Variants in MALRD1 observed in about 807,000 individuals in gnomAD.
The protein encoded by MALRD1 is MAM and LDL receptor class A domain containing 1.
In MALRD1, 247 loss-of-function variants were observed where a neutral mutation model predicts 242.1. That is an observed-to-expected ratio of 1.02 (90% CI 0.92 to 1.13). The LOEUF is 1.13. Ranked by LOEUF, MALRD1 falls within the 50% of genes most tolerant of loss-of-function variation. MALRD1 has a pLI of 0.00. For synonymous variants in MALRD1, 995 were observed against 866.6 expected, an observed-to-expected ratio of 1.15 and a Z score of -2.60; for missense variants, 2,989 against 2,533.1, an observed-to-expected ratio of 1.18 and a Z score of -3.86.
rs138064038 is a variant in MALRD1 at position 19,627,711 on chromosome 10, C to T, written c.6137+11788C>T. Among the ~76,000 whole-genome samples, 472 of 145,926 alleles carry T rather than the reference C, an allele frequency of 3.2e-3. 6 individuals carry two copies. The East Asian group carries it at 0.059, about 18-fold the overall frequency. On this transcript the variant is annotated intron_variant, in intron 36 of 39. Coordinates refer to ENST00000454679, the MANE Select transcript of MALRD1 (RefSeq NM_001142308.3). ...GGTGGGCAGAGGTTTCGCAGTGAGC[C>T]GATATTCCACCACTGCACTCCAGCC...
chr10:19,075,497 A>G (rs1835289201), intron 2 of MALRD1, among the ~76,000 whole-genome samples: 1 of 152,072 alleles, frequency 6.6e-6, no homozygotes, highest in South Asian at 2.1e-4. Flanking sequence ...GGAAATGAAG[A>G]AAGGGGATCA....
intron 10 of MALRD1, among the ~76,000 whole-genome samples, chr10:19,145,653 TAAA>T (rs71507276): frequency 7.4e-4 from 100 of 134,516 alleles, no homozygotes; most frequent in African/African-American, 1.8e-3. Context: ...GACTCTGCCT[TAAA>T]AAAAAAAAAA....
At chr10:19,209,807 A>G (rs1279372375) in intron 18 of MALRD1, 127 bp downstream of exon 18, 69 of 923,084 alleles carry the variant, frequency 7.5e-5, no homozygotes, top group South Asian at 3.8e-5. Flanking sequence ...AGACACATTT[A>G]TCATTTATTT....
At chr10:19,292,080 C>CAAAAAAAAAAAAAAAAAAAAATAAA (rs1841460272) in intron 21 of MALRD1, among the ~76,000 whole-genome samples, 1 of 88,036 alleles carries the variant, frequency 1.1e-5, no homozygotes, top group Non-Finnish European at 2.2e-5. Flanking sequence ...AAGACCGTCT[C>CAAAAAAAAAAAAAAAAAAAAATAAA]AAAAAAAAAA....
intron 29 of MALRD1, among the ~76,000 whole-genome samples, chr10:19,477,837 A>G (rs1282223162): frequency 1.3e-5 from 2 of 152,172 alleles, no homozygotes; most frequent in African/African-American, 4.8e-5. Context: ...GTAATCTTTT[A>G]TTATGCAGAT....
At chr10:19,465,356 C>T (rs114594550) in intron 29 of MALRD1, among the ~76,000 whole-genome samples, 33 of 152,076 alleles carry the variant, frequency 2.2e-4, no homozygotes, top group South Asian at 1.5e-3. Context: ...TTGTCATAAA[C>T]GGTTTTTTAT....
chr10:19,133,886 T>C lies in MALRD1; in HGVS notation c.1141T>C (p.Ser381Pro), dbSNP rs1833216317. Residue 381 changes from serine to proline, a missense_variant, in exon 9 of 40, where the codon TCA becomes CCA. Coordinates refer to ENST00000454679, the MANE Select transcript of MALRD1 (RefSeq NM_001142308.3). ...AGAAATATTTTGGACATACAACATA[T>C]CAACTCACAGCCAATGGGTGAAAGC... ...EEEIFWTYNI[S>P]THSQWVKADV... The C allele has an allele frequency of 1.1e-5, 14 of 1,230,790 alleles. No individual in the cohort carries two copies. Among genetic ancestry groups the C allele is most frequent in the Non-Finnish European group, 1.4e-5 (14 of 987,354 alleles). 76.2% of individuals were successfully genotyped at this position (1,230,790 alleles called of 1,614,324 possible).
At chr10:19,472,942 A>G (rs1029675516) in intron 29 of MALRD1, among the ~76,000 whole-genome samples, 7 of 151,174 alleles carry the variant, frequency 4.6e-5, no homozygotes, top group Non-Finnish European at 8.9e-5. Context: ...ATAAATATGA[A>G]TTTATCTCAT....
intron 38 of MALRD1, chr10:19,716,836 A>G (rs1834414848): frequency 1.3e-5 from 2 of 152,230 alleles, no homozygotes; most frequent in Non-Finnish European, 2.9e-5. Context: ...TGTTACATTT[A>G]GAAAATATTG....
At chr10:19,597,795 C>G (rs1838172857) in intron 34 of MALRD1, among the ~76,000 whole-genome samples, 1 of 152,178 alleles carries the variant, frequency 6.6e-6, no homozygotes, top group South Asian at 2.1e-4. Context: ...ATAGGGAACT[C>G]TCTATGGTGC....
chr10:19,063,036 T>C (rs1253471487), intron 1 of MALRD1, among the ~76,000 whole-genome samples: 1 of 151,972 alleles, frequency 6.6e-6, no homozygotes, highest in Non-Finnish European at 1.5e-5. Flanking sequence ...TTCCAGCTAC[T>C]TGAGAGGCTG....
At chr10:19,702,561 C>T (rs531877085) in intron 38 of MALRD1, among the ~76,000 whole-genome samples, 6 of 152,092 alleles carry the variant, frequency 3.9e-5, no homozygotes, top group East Asian at 1.9e-4. Context: ...ATATGATTGC[C>T]GAAGATTATC....
At chr10:19,703,097 G>GA (rs557989495) in intron 38 of MALRD1, among the ~76,000 whole-genome samples, 10 of 151,824 alleles carry the variant, frequency 6.6e-5, no homozygotes, top group Non-Finnish European at 1.3e-4. Flanking sequence ...GATTACAGGG[G>GA]AAAAAAAGCA....
chr10:19,373,203 CAAAA>C (rs374095193), intron 26 of MALRD1, among the ~76,000 whole-genome samples: 6 of 114,866 alleles, frequency 5.2e-5, no homozygotes, highest in Non-Finnish European at 7.0e-5. Context: ...ACGCTAAATA[CAAAA>C]AAAAAAAAAA....
chr10:19,530,100 T>C lies in MALRD1; in HGVS notation c.5321-1094T>C, dbSNP rs370426699. On this transcript the variant is annotated intron_variant, in intron 31 of 39. Transcript: ENST00000454679. ...TCAGAATAGCCAAAACAATATTTAA[T>C]TAATAAGAGTGTGTCAATATTGGCT... is the stretch of plus-strand genomic sequence containing the variant. 9.9e-5 allele frequency among the ~76,000 whole-genome samples: 15 copies of C among 151,518 alleles called. No individual in the cohort carries two copies. The East Asian group carries it at 2.9e-3, about 29-fold the overall frequency.
chr10:19,107,947 A>G (rs1321425914), intron 5 of MALRD1, among the ~76,000 whole-genome samples: 1 of 152,158 alleles, frequency 6.6e-6, no homozygotes, highest in Non-Finnish European at 1.5e-5. Context: ...ACTTTTGGTA[A>G]TATGATTATA....
At chr10:19,209,737 T>C (rs1353091837) in intron 18 of MALRD1, 57 bp downstream of exon 18, 1 of 1,419,022 alleles carries the variant, frequency 7.0e-7, no homozygotes, top group African/African-American at 1.4e-5. Flanking sequence ...GTCTAAGGAA[T>C]ATGAAAGATC....
At chr10:19,480,754 T>C (rs1836959503) in intron 29 of MALRD1, among the ~76,000 whole-genome samples, 1 of 152,090 alleles carries the variant, frequency 6.6e-6, no homozygotes, top group Non-Finnish European at 1.5e-5. Context: ...GGTGTACCAG[T>C]TCTGAGTTTT....
chr10:19,678,865 T>A (rs910074190), intron 36 of MALRD1, among the ~76,000 whole-genome samples: 1 of 152,174 alleles, frequency 6.6e-6, no homozygotes, highest in Non-Finnish European at 1.5e-5. Context: ...GGAAGGGATG[T>A]GGTATTTTAT....
Sources: gnomAD v4.1 joint callset for allele counts (sites outside exome capture counted in the v4.1 genomes callset) on GRCh38, gnomAD v4.1.1 for gene constraint, MANE v1.5 for transcripts, NCBI Gene and HGNC (gene_info 2026-07-23, HGNC 2026-07-21) for gene names.